The following RIN2 variants were observed in gnomAD, a reference collection of about 807,000 sequenced individuals.
The protein encoded by RIN2 is Ras and Rab interactor 2.
In RIN2, 36 loss-of-function variants were observed where a neutral mutation model predicts 78.0. The observed-to-expected ratio is 0.46, with a 90% CI of 0.35 to 0.61. RIN2 has a LOEUF of 0.61. Ranked by LOEUF, RIN2 falls within the 20% of genes least tolerant of loss-of-function variation. The pLI is 0.00. For missense variants in RIN2, 1,087 were observed against 1,159.7 expected, an observed-to-expected ratio of 0.94 and a Z score of 0.91; for synonymous variants, 466 against 466.8, an observed-to-expected ratio of 1.00 and a Z score of 0.02.
chr20:19,987,640 G>A (rs1225418141), intron 9 of RIN2, among the ~76,000 whole-genome samples: 2 of 152,126 alleles, frequency 1.3e-5, no homozygotes, highest in Non-Finnish European at 2.9e-5. Flanking sequence ...GCCCATCTGA[G>A]CACTCAATAT....
chr20:19,882,309 A>G (rs1200044387), intron 2 of RIN2, among the ~76,000 whole-genome samples: 3 of 152,222 alleles, frequency 2.0e-5, no homozygotes, highest in Non-Finnish European at 4.4e-5. Flanking sequence ...CACGAAGACA[A>G]AAATCTTTTT....
At chr20:19,873,432 C>A (rs1310755974) in intron 2 of RIN2, among the ~76,000 whole-genome samples, 1 of 152,160 alleles carries the variant, frequency 6.6e-6, no homozygotes, top group East Asian at 1.9e-4. Flanking sequence ...AACCATGTAA[C>A]ACACTTTTTC....
At chr20:19,839,662 T>C (rs1420194251) in intron 2 of RIN2, among the ~76,000 whole-genome samples, 1 of 152,090 alleles carries the variant, frequency 6.6e-6, no homozygotes, top group Non-Finnish European at 1.5e-5. Flanking sequence ...TTACCTCTGG[T>C]TTCTCTCCTG....
chr20:19,823,984 G>C, intron 2 of RIN2: 1 of 1,286,150 alleles, frequency 7.8e-7, no homozygotes, highest in Non-Finnish European at 1.1e-6. Flanking sequence ...GATTCAGGAC[G>C]ACCGAAGAAA....
chr20:19,996,138 A>G (rs1387469673), intron 11 of RIN2, among the ~76,000 whole-genome samples: 2 of 152,014 alleles, frequency 1.3e-5, no homozygotes, highest in Non-Finnish European at 2.9e-5. Flanking sequence ...ATATGGTGAA[A>G]CCCCATCTCT....
intron 3 of RIN2, among the ~76,000 whole-genome samples, chr20:19,925,376 T>C (rs972438339): frequency 6.6e-6 from 1 of 152,234 alleles, no homozygotes; most frequent in African/African-American, 2.4e-5. Context: ...AAGGAGACTT[T>C]ATTACTTCAA....
chr20:19,771,180 A>G (rs1402794586), intron 1 of RIN2, among the ~76,000 whole-genome samples: 1 of 152,090 alleles, frequency 6.6e-6, no homozygotes. Context: ...GCTATTGGTG[A>G]TCAACTTAAC....
intron 8 of RIN2, among the ~76,000 whole-genome samples, chr20:19,973,854 CACTACCTCCCTCAA>C (rs1382346808): frequency 6.6e-6 from 1 of 152,148 alleles, no homozygotes; most frequent in Non-Finnish European, 1.5e-5. Context: ...CTGATCACAG[CACTACCTCCCTCAA>C]CTTACATGGA....
At chr20:19,952,812 C>A (rs552094541) in intron 4 of RIN2, among the ~76,000 whole-genome samples, 1 of 152,304 alleles carries the variant, frequency 6.6e-6, no homozygotes, top group African/African-American at 2.4e-5. Context: ...GCCAAGAATT[C>A]TTTTAGTGGC....
rs373724938 is a variant in RIN2, at chr20:19,928,027, G to A, written c.58-7072G>A. On this transcript the variant is annotated intron_variant, in intron 3 of 12. Transcript: ENST00000255006. The stretch of plus-strand genomic sequence containing the variant: ...AAGTGATTCTCCTGCCTCCGCCTTC[G>A]GAGTAGCTGGGACTATAGGTGCACA... Among the ~76,000 whole-genome samples the A allele has an allele frequency of 3.9e-4, 60 of 151,906 alleles. 1 individual carries two copies. The South Asian group carries it at 9.4e-3, about 24-fold the overall frequency.
At chr20:19,876,400 CA>C (rs2037855962) in intron 2 of RIN2, among the ~76,000 whole-genome samples, 1 of 151,424 alleles carries the variant, frequency 6.6e-6, no homozygotes, top group South Asian at 2.1e-4. Flanking sequence ...GACTATAATT[CA>C]AAAAAAGGGA....
chr20:19,996,889 G>A (rs1370592388), intron 12 of RIN2, 47 bp downstream of exon 12: 36 of 1,514,916 alleles, frequency 2.4e-5, no homozygotes, highest in Admixed American at 8.1e-5. Flanking sequence ...CCAGGAATGC[G>A]GAGCTGGCTC....
At chr20:19,795,428 C>T (rs1406933386) in intron 1 of RIN2, among the ~76,000 whole-genome samples, 1 of 152,090 alleles carries the variant, frequency 6.6e-6, no homozygotes, top group Non-Finnish European at 1.5e-5. Context: ...TAGCATTTTG[C>T]CTGGTGAGTT....
intron 2 of RIN2, among the ~76,000 whole-genome samples, chr20:19,844,639 CTTCTTCTTCTTCTT>C (rs2036696269): frequency 3.7e-5 from 5 of 134,804 alleles, no homozygotes; most frequent in Admixed American, 7.6e-5. Context: ...TCTTCTTCTT[CTTCTTCTTCTTCTT>C]CTTCTTCTTC....
intron 3 of RIN2, among the ~76,000 whole-genome samples, chr20:19,933,047 T>G (rs967108351): frequency 6.6e-6 from 1 of 152,174 alleles, no homozygotes; most frequent in African/African-American, 2.4e-5. Context: ...CCCCGTTCTT[T>G]CTAGTTCCAC....
chr20:19,981,832 TAAAAC>T lies in RIN2; in HGVS notation c.1762+6046_1762+6050del, dbSNP rs60494421. Among the ~76,000 whole-genome samples the T allele has an allele frequency of 7.0e-3, 1,060 of 152,290 alleles. 10 individuals are homozygous for T. The highest frequency in any genetic ancestry group is 0.024 in the African/African-American group (1,016 of 41,548). ...CAAAGTGTGCATGGCCAACAATACTTAAAACCAACCCAGGTTACAGGACATCCCTG... is the reference window on the plus strand; with the variant it reads ...CAAAGTGTGCATGGCCAACAATACTTCAACCCAGGTTACAGGACATCCCTG... On this transcript the variant is annotated intron_variant, in intron 9 of 12. Coordinates refer to ENST00000255006, the MANE Select transcript of RIN2 (RefSeq NM_018993.4).
Position 19,780,529 on chromosome 20 carries a change from G to T in RIN2, c.-162-19093G>T, listed in dbSNP as rs545205500. Among the ~76,000 whole-genome samples, 12 of 152,188 alleles carry T rather than the reference G, an allele frequency of 7.9e-5. No individual in the cohort carries two copies. In the South Asian group the frequency reaches 1.2e-3, roughly 16 times the overall value. On this transcript the variant is annotated intron_variant, in intron 1 of 12. Coordinates refer to ENST00000255006, the MANE Select transcript of RIN2 (RefSeq NM_018993.4). ...CTCTTAAAGTAGAGCAAGCCAAGTG[G>T]GACTCAAGGGTCTCACCATGAGTCC...
chr20:19,848,858 C>G (rs2036868053), intron 2 of RIN2, among the ~76,000 whole-genome samples: 1 of 152,150 alleles, frequency 6.6e-6, no homozygotes, highest in Non-Finnish European at 1.5e-5. Flanking sequence ...ATAATAGACA[C>G]AGCCATTATA....
chr20:19,869,555 C>T (rs562436637), intron 2 of RIN2, among the ~76,000 whole-genome samples: 2 of 152,284 alleles, frequency 1.3e-5, no homozygotes, highest in Non-Finnish European at 2.9e-5. Flanking sequence ...CCTCCACCCT[C>T]ACCCTGGACT....
Sources: allele counts gnomAD v4.1 joint callset (sites outside exome capture counted in the v4.1 genomes callset), GRCh38; gene constraint gnomAD v4.1.1; transcripts MANE v1.5; gene names NCBI Gene and HGNC (gene_info 2026-07-23, HGNC 2026-07-21).